Variants in LTBP1 observed in about 807,000 individuals in gnomAD.
LTBP1 encodes the protein latent transforming growth factor beta binding protein 1.
LTBP1 carries 129 observed loss-of-function variants against 207.6 expected under a neutral mutation model. The observed-to-expected ratio is 0.62, with a 90% CI of 0.54 to 0.72. The LOEUF is 0.72. Ranked by LOEUF, LTBP1 falls within the 30% of genes least tolerant of loss-of-function variation. LTBP1 has a pLI of 0.00. For missense variants in LTBP1, 2,281 were observed against 2,217.2 expected (o/e 1.03, Z -0.58); for synonymous variants, 963 against 833.7 (o/e 1.16, Z -2.67).
At chr2:33,360,520 C>G in intron 26 of LTBP1, 77 bp from the exon 27 acceptor site, 1 of 886,170 alleles carries the variant, frequency 1.1e-6, no homozygotes, top group South Asian at 1.6e-5. Flanking sequence ...ACTCTTTCCC[C>G]CATTGCATTC....
intron 4 of LTBP1, among the ~76,000 whole-genome samples, chr2:33,119,577 G>A (rs2080979185): frequency 6.6e-6 from 1 of 152,050 alleles, no homozygotes; most frequent in South Asian, 2.1e-4. Flanking sequence ...TTATTTTTGA[G>A]ATGGAGTCTC....
chr2:33,191,529 C>T (rs554431619), intron 7 of LTBP1, among the ~76,000 whole-genome samples: 3 of 152,252 alleles, frequency 2.0e-5, no homozygotes, highest in East Asian at 3.9e-4. Context: ...CTAAAGACTG[C>T]CCAATTAATT....
chr2:33,242,507 A>G (rs1263724961), intron 9 of LTBP1, among the ~76,000 whole-genome samples: 1 of 151,966 alleles, frequency 6.6e-6, no homozygotes, highest in East Asian at 1.9e-4. Context: ...TTGAACTATA[A>G]AACTGAACTC....
At chr2:33,217,450 C>A in intron 7 of LTBP1, 102 bp from the exon 8 acceptor site, 1 of 649,782 alleles carries the variant, frequency 1.5e-6, no homozygotes, top group Non-Finnish European at 2.8e-6. Flanking sequence ...GTGTCGATAA[C>A]AAGGGAACTG....
At chr2:33,201,513 G>A (rs1275024311) in intron 7 of LTBP1, among the ~76,000 whole-genome samples, 2 of 151,856 alleles carry the variant, frequency 1.3e-5, no homozygotes, top group Non-Finnish European at 2.9e-5. Context: ...AGCATTAGGA[G>A]ATATACCTAA....
At chr2:33,215,717 T>TC (rs2090627481) in intron 7 of LTBP1, among the ~76,000 whole-genome samples, 1 of 117,264 alleles carries the variant, frequency 8.5e-6, no homozygotes, top group Non-Finnish European at 1.7e-5. Context: ...TTTTCTTTTG[T>TC]TTTTTGTTTT....
rs986053585 is a variant in LTBP1, at chr2:33,267,615, G to GA, written c.2617+4230dup. On this transcript the variant is annotated intron_variant, in intron 15 of 33. Transcript: ENST00000404816. ...TAATTGTTTATAGTAATGTTAAAAA[G>GA]AAAAAAATGCAGTAAGACATTGTAA... 9.2e-5 allele frequency among the ~76,000 whole-genome samples: 14 copies of GA among 152,006 alleles called. No individual in the cohort carries two copies. The South Asian group carries it at 1.9e-3, about 20-fold the overall frequency.
chr2:32,970,737 TG>T (rs530429553), intron 2 of LTBP1, among the ~76,000 whole-genome samples: 79 of 146,274 alleles, frequency 5.4e-4, no homozygotes, highest in African/African-American at 1.8e-3. Context: ...CTTGGTTGTT[TG>T]GGCTCTTTTT....
chr2:33,277,791 TTCTTTC>T lies in LTBP1; in HGVS notation c.2992+1872_2992+1877del, dbSNP rs1357809565. Among the ~76,000 whole-genome samples, 6 of 108,766 alleles carry T rather than the reference TTCTTTC, an allele frequency of 5.5e-5. No homozygotes were observed. The East Asian group carries it at 8.0e-4, about 15-fold the overall frequency. The allele number at this position is 108,766 out of a possible 152,430, so 71.4% of individuals were successfully genotyped here. ...TTTCTTTCTTTCTTTCTTTCTTTCT[TTCTTTC>T]TCTCTCTCTTTCTTTTTTTCTTTCT... On this transcript the variant is annotated intron_variant, in intron 18 of 33. Coordinates refer to ENST00000404816, the MANE Select transcript of LTBP1 (RefSeq NM_206943.4).
chr2:33,346,158 TA>T (rs2094698152), intron 25 of LTBP1, among the ~76,000 whole-genome samples: 1 of 152,224 alleles, frequency 6.6e-6, no homozygotes, highest in South Asian at 2.1e-4. Context: ...AGTGATTAGT[TA>T]TTGGACCAAT....
At chr2:33,014,648 GT>G (rs1688119758) in intron 2 of LTBP1, among the ~76,000 whole-genome samples, 1 of 152,130 alleles carries the variant, frequency 6.6e-6, no homozygotes, top group Non-Finnish European at 1.5e-5. Flanking sequence ...ATAACTAAGG[GT>G]TACTTTTTTA....
chr2:33,044,563 T>G (rs1486490912), intron 3 of LTBP1, among the ~76,000 whole-genome samples: 2 of 152,144 alleles, frequency 1.3e-5, no homozygotes, highest in Non-Finnish European at 2.9e-5. Context: ...TGAACAGTGC[T>G]GCAATAAACA....
chr2:33,241,125 C>T (rs1307578512), intron 9 of LTBP1, among the ~76,000 whole-genome samples: 1 of 152,036 alleles, frequency 6.6e-6, no homozygotes, highest in Non-Finnish European at 1.5e-5. Context: ...ATAGATGAAC[C>T]AAGGCAGTTG....
intron 2 of LTBP1, among the ~76,000 whole-genome samples, chr2:32,989,744 G>C (rs1164683363): frequency 2.0e-5 from 3 of 152,204 alleles, no homozygotes; most frequent in Non-Finnish European, 4.4e-5. Context: ...AGATCAAATA[G>C]TGTAATGGTC....
At chr2:33,351,197 A>G (rs2094776982) in intron 26 of LTBP1, among the ~76,000 whole-genome samples, 1 of 152,202 alleles carries the variant, frequency 6.6e-6, no homozygotes, top group Non-Finnish European at 1.5e-5. Context: ...GCTATATCCT[A>G]GACTTCTGCA....
chr2:33,396,336 T>C (rs933120382), intron 32 of LTBP1, among the ~76,000 whole-genome samples: 3 of 152,146 alleles, frequency 2.0e-5, no homozygotes, highest in African/African-American at 7.2e-5. Flanking sequence ...TTCTTCTGCC[T>C]CAGCCTCCCA....
intron 7 of LTBP1, among the ~76,000 whole-genome samples, chr2:33,210,314 G>A (rs1285613955): frequency 1.3e-5 from 2 of 152,050 alleles, no homozygotes; most frequent in Admixed American, 1.3e-4. Context: ...TCAAATTTTT[G>A]TCCTCTTGTT....
At chr2:33,176,107 T>A (rs1043166666) in intron 5 of LTBP1, among the ~76,000 whole-genome samples, 30 of 151,798 alleles carry the variant, frequency 2.0e-4, no homozygotes, top group African/African-American at 7.0e-4. Context: ...TATACATACG[T>A]AACTAACCTG....
At chr2:33,063,044 C>A (rs2077343413) in intron 3 of LTBP1, 1 of 152,144 alleles carries the variant, frequency 6.6e-6, no homozygotes, top group South Asian at 2.1e-4. Flanking sequence ...AGAAAGCAAA[C>A]CACAGATAAG....
Sources: gnomAD v4.1 joint callset for allele counts (sites outside exome capture counted in the v4.1 genomes callset) on GRCh38, gnomAD v4.1.1 for gene constraint, MANE v1.5 for transcripts, NCBI Gene and HGNC (gene_info 2026-07-23, HGNC 2026-07-21) for gene names.